CSMD1: variants seen among roughly 807,000 people sequenced by gnomAD.
CSMD1 encodes CUB and sushi domain-containing protein 1.
In CSMD1, 213 loss-of-function variants were observed where a neutral mutation model predicts 417.5. The ratio of observed to expected loss-of-function variants is 0.51; its 90% CI spans 0.46 to 0.57. The LOEUF (loss-of-function observed/expected upper bound fraction) is 0.57. CSMD1 is among the 20% of genes least tolerant of loss of function. The pLI is 0.00. For synonymous variants in CSMD1, 2,862 were observed against 1,736.8 expected (o/e 1.65, Z -16.11); for missense variants, 6,923 against 4,529.7 (o/e 1.53, Z -15.17).
At chr8:4,205,043 C>A (rs1378436678) in intron 3 of CSMD1, among the ~76,000 whole-genome samples, 2 of 152,132 alleles carry the variant, frequency 1.3e-5, no homozygotes, top group Non-Finnish European at 2.9e-5. Flanking sequence ...TAATTTACCT[C>A]TATTTTTTTC....
intron 4 of CSMD1, among the ~76,000 whole-genome samples, chr8:4,023,050 T>G (rs1172339990): frequency 6.6e-6 from 1 of 152,226 alleles, no homozygotes; most frequent in African/African-American, 2.4e-5. Context: ...ATGCTTCCAT[T>G]TCCTGGCTCT....
At chr8:4,345,918 G>A (rs1049805708) in intron 3 of CSMD1, among the ~76,000 whole-genome samples, 1 of 152,070 alleles carries the variant, frequency 6.6e-6, no homozygotes, top group Non-Finnish European at 1.5e-5. Context: ...GACGTAACAA[G>A]GGAGGGGCTT....
At chr8:3,582,168 G>T (rs920426121) in intron 9 of CSMD1, among the ~76,000 whole-genome samples, 1 of 152,200 alleles carries the variant, frequency 6.6e-6, no homozygotes, top group African/African-American at 2.4e-5. Context: ...GGTCCCTGCT[G>T]TACCGAACGT....
chr8:4,843,114 G>C (rs1181520670), intron 1 of CSMD1, among the ~76,000 whole-genome samples: 1 of 152,156 alleles, frequency 6.6e-6, no homozygotes, highest in Non-Finnish European at 1.5e-5. Flanking sequence ...TGCGAATTGA[G>C]AGTCGAGGAA....
intron 26 of CSMD1, among the ~76,000 whole-genome samples, chr8:3,246,051 T>C (rs1384013622): frequency 6.6e-6 from 1 of 152,188 alleles, no homozygotes; most frequent in Non-Finnish European, 1.5e-5. Flanking sequence ...AACTTCCTTC[T>C]TGTCTACCCC....
At position 4,643,821 on chromosome 8, in the gene CSMD1, G is replaced by A. The variant is rs770649737; in HGVS notation, c.86-6263C>T. ...TTGTGGAAGGACCATGATTTAAAGTGCCGTTCCGGGGACTTCGATTAAGGG... is the reference window on the plus strand; with the variant it reads ...TTGTGGAAGGACCATGATTTAAAGTACCGTTCCGGGGACTTCGATTAAGGG... On this transcript the variant is annotated intron_variant, in intron 1 of 69. Coordinates refer to ENST00000635120, the MANE Select transcript of CSMD1 (RefSeq NM_033225.6). Among the ~76,000 whole-genome samples the A allele has an allele frequency of 1.2e-4, 19 of 152,336 alleles. No homozygotes were observed. In the Middle Eastern group the frequency reaches 0.01, roughly 82 times the overall value.
At chr8:3,327,504 CT>C (rs1362567188) in intron 23 of CSMD1, among the ~76,000 whole-genome samples, 1 of 152,138 alleles carries the variant, frequency 6.6e-6, no homozygotes, top group East Asian at 1.9e-4. Flanking sequence ...ACATACACAT[CT>C]TTTTATTAAC....
At chr8:3,792,271 T>G (rs989299843) in intron 5 of CSMD1, among the ~76,000 whole-genome samples, 3 of 151,904 alleles carry the variant, frequency 2.0e-5, no homozygotes, top group Non-Finnish European at 2.9e-5. Context: ...CCAGCCTGGG[T>G]GACAGAGAGA....
chr8:3,472,071 G>C (rs761773558), intron 11 of CSMD1, among the ~76,000 whole-genome samples: 1 of 151,766 alleles, frequency 6.6e-6, no homozygotes, highest in Non-Finnish European at 1.5e-5. Flanking sequence ...GTCCATCATC[G>C]TCCTCTCCCT....
chr8:3,827,779 T>A (rs12682057), intron 5 of CSMD1, among the ~76,000 whole-genome samples: 1 of 151,964 alleles, frequency 6.6e-6, no homozygotes, highest in Non-Finnish European at 1.5e-5. Context: ...GAAAAGACTA[T>A]CCTATAAATT....
At chr8:3,803,306 G>T (rs137891817) in intron 5 of CSMD1, among the ~76,000 whole-genome samples, 10 of 152,306 alleles carry the variant, frequency 6.6e-5, no homozygotes, top group African/African-American at 2.4e-4. Context: ...CAGCAGCTGG[G>T]TAGGGAGATA....
intron 7 of CSMD1, among the ~76,000 whole-genome samples, chr8:3,694,339 C>T (rs1450030860): frequency 1.3e-5 from 2 of 152,058 alleles, no homozygotes; most frequent in Admixed American, 6.5e-5. Flanking sequence ...AGCAGACAGA[C>T]AGGGGTCACT....
intron 5 of CSMD1, among the ~76,000 whole-genome samples, chr8:3,982,199 A>AAAAAAT (rs1284619485): frequency 2.1e-5 from 3 of 142,436 alleles, no homozygotes; most frequent in Non-Finnish European, 4.6e-5. Context: ...ATATTAATAA[A>AAAAAAT]AAAAATAATA....
rs73493457 is a variant in CSMD1 at position 3,402,386 on chromosome 8, C to G, written c.2267-2857G>C. Among the ~76,000 whole-genome samples the G allele has an allele frequency of 4.0e-3, 605 of 152,210 alleles. 3 individuals are homozygous for G. The highest frequency in any genetic ancestry group is 0.014 in the African/African-American group (579 of 41,538). On this transcript the variant is annotated intron_variant, in intron 15 of 69. Transcript: ENST00000635120. ...CTACAGACTTTAAGCTTTGCTGCCA[C>G]AGAGTTGGTGTTTTCATGTATAGTC...
chr8:3,897,006 T>A (rs1329895814), intron 5 of CSMD1, among the ~76,000 whole-genome samples: 1 of 152,058 alleles, frequency 6.6e-6, no homozygotes, highest in Admixed American at 6.6e-5. Context: ...CCATTTCTCT[T>A]GAGCAACTTA....
At chr8:4,669,842 C>A (rs982930565) in intron 1 of CSMD1, among the ~76,000 whole-genome samples, 13 of 152,140 alleles carry the variant, frequency 8.5e-5, no homozygotes, top group Non-Finnish European at 1.5e-4. Flanking sequence ...AGAATGGTTT[C>A]TTAGCCAAAT....
At chr8:4,135,916 G>C (rs1206243701) in intron 3 of CSMD1, among the ~76,000 whole-genome samples, 1 of 152,160 alleles carries the variant, frequency 6.6e-6, no homozygotes, top group African/African-American at 2.4e-5. Flanking sequence ...TTTAGCATAT[G>C]TTAGTTTTCC....
At chr8:3,837,752 C>G (rs542856185) in intron 5 of CSMD1, among the ~76,000 whole-genome samples, 8 of 152,088 alleles carry the variant, frequency 5.3e-5, no homozygotes, top group African/African-American at 1.9e-4. Context: ...CTGGCTCCTC[C>G]CAGTTTATCA....
chr8:3,774,537 C>A (rs1356544743), intron 5 of CSMD1, among the ~76,000 whole-genome samples: 1 of 152,148 alleles, frequency 6.6e-6, no homozygotes, highest in Non-Finnish European at 1.5e-5. Context: ...TGGTATTAAT[C>A]TTTCATTCCC....
Sources: allele counts gnomAD v4.1 joint callset (sites outside exome capture counted in the v4.1 genomes callset), GRCh38; gene constraint gnomAD v4.1.1; transcripts MANE v1.5; gene names NCBI Gene and HGNC (gene_info 2026-07-23, HGNC 2026-07-21).